Variants in FMO4 observed in about 807,000 individuals in gnomAD.
The protein encoded by FMO4 is flavin containing dimethylaniline monoxygenase 4, also known as dimethylaniline monooxygenase [N-oxide-forming] 4.
FMO4 carries 38 observed loss-of-function variants against 43.3 expected under a neutral mutation model. The ratio of observed to expected loss-of-function variants is 0.88; its 90% CI spans 0.68 to 1.15. The LOEUF (loss-of-function observed/expected upper bound fraction) is 1.15, where lower values mean the gene tolerates loss of function less well. FMO4 is among the 50% of genes most tolerant of loss of function. The pLI is 0.00. For synonymous variants in FMO4, 224 were observed against 232.2 expected (o/e 0.96, Z 0.32); for missense variants, 631 against 663.3 (o/e 0.95, Z 0.54).
chr1:171,332,622 G>C (rs937567480), intron 6 of FMO4, 87 bp from the exon 7 acceptor site: 3 of 1,102,496 alleles, frequency 2.7e-6, no homozygotes, highest in Non-Finnish European at 4.1e-6. Flanking sequence ...GACCAGACTG[G>C]AATAAGATCA....
chr1:171,319,766 T>G (rs1024367831), intron 2 of FMO4, 52 bp from the exon 3 acceptor site: 2 of 1,559,508 alleles, frequency 1.3e-6, no homozygotes, highest in African/African-American at 2.7e-5. Flanking sequence ...TGACAAGGGC[T>G]CCCTTCCAAA....
chr1:171,325,816 C>CTTTTT (rs1558037717), intron 5 of FMO4, among the ~76,000 whole-genome samples: 9 of 75,594 alleles, frequency 1.2e-4, no homozygotes, highest in African/African-American at 3.9e-4. Context: ...CATAGACTAT[C>CTTTTT]CTTTTTTTTT....
Position 171,339,866 on chromosome 1 carries a change from A to G in FMO4, c.1251-1547A>G, listed in dbSNP as rs1020666754. Among the ~76,000 whole-genome samples the G allele has an allele frequency of 3.6e-4, 55 of 152,172 alleles. 1 individual carries two copies. Among genetic ancestry groups the G allele is most frequent in the Non-Finnish European group, 5.9e-5 (4 of 68,028 alleles). On this transcript the variant is annotated intron_variant, in intron 9 of 9. Transcript: ENST00000367749. ...GCTAGGATCACTGTGCCTTGGTGCA[A>G]GAAGTGGGGTGTCCCAATTGAGAAG... is the stretch of plus-strand genomic sequence containing the variant.
In FMO4 at chr1:171,333,597, G is replaced by A. The variant is rs150089234; in HGVS notation, c.827+689G>A. Among the ~76,000 whole-genome samples the A allele has an allele frequency of 8.1e-4, 123 of 152,206 alleles. No individual in the cohort carries two copies. In the East Asian group the frequency reaches 0.02, roughly 25 times the overall value. ...GTAAAAGAAAGCCTTTGAAAAGCAC[G>A]TAAGGTCATTAAATATGATTTTTAT... is the stretch of plus-strand genomic sequence containing the variant. On this transcript the variant is annotated intron_variant, in intron 7 of 9. Transcript: ENST00000367749.
Position 171,322,992 on chromosome 1 carries a change from C to A in FMO4, c.133-12C>A, listed in dbSNP as rs780869664. 1 of 1,605,566 alleles carries A rather than the reference C, an allele frequency of 6.2e-7. No homozygotes were observed. ...CCATTATCCCAACAAGCTAACTATG[C>A]CTTCACCACAGGAATCTTCCAAAGA... On this transcript the variant is annotated splice_polypyrimidine_tract_variant and intron_variant, in intron 3 of 9. Coordinates refer to ENST00000367749, the MANE Select transcript of FMO4 (RefSeq NM_002022.3).
rs1195454309 is a variant in FMO4 at position 171,341,495 on chromosome 1, C to G, written c.1333C>G (p.Pro445Ala). Reference protein sequence around the residue: ...DDIAACIGTKPSIPLLFLKDP... With the variant: ...DDIAACIGTKASIPLLFLKDP... Reference sequence around the variant, plus strand: ...TATCGCTGCCTGCATAGGCACAAAGCCCAGCATCCCACTTCTGTTCCTCAA... The same window carrying G: ...TATCGCTGCCTGCATAGGCACAAAGGCCAGCATCCCACTTCTGTTCCTCAA... Residue 445 changes from proline to alanine, a missense_variant, in exon 10 of 10, where the codon CCC becomes GCC. Transcript: ENST00000367749. 1.2e-6 allele frequency: 2 copies of G among 1,613,934 alleles called. No individual in the cohort carries two copies. The highest frequency in any genetic ancestry group is 2.2e-5 in the South Asian group (2 of 91,076).
In FMO4 at chr1:171,341,414, GGA is replaced by G. The variant is rs746956892; in HGVS notation, c.1254_1255del (p.Phe420Ter). 3 of 1,611,178 alleles carry G rather than the reference GGA, an allele frequency of 1.9e-6. No individual in the cohort carries two copies. The African/African-American group carries it at 4.0e-5, about 22-fold the overall frequency. On this transcript the variant is annotated frameshift_variant and splice_region_variant, in exon 10 of 10. Transcript: ENST00000367749. LOFTEE classifies it low-confidence loss of function (END_TRUNC). The part of the protein sequence containing the change: ...ATEKEQLIKR[G>X]VFKDTSKDKF... ...GTCCTCCCTCTTTTTTCCTCTCAGGGGAGTGTTTAAAGACACCAGCAAAGACA... is the reference window on the plus strand; with the variant it reads ...GTCCTCCCTCTTTTTTCCTCTCAGGGGTGTTTAAAGACACCAGCAAAGACA...
At chr1:171,338,736 TCA>T (rs1368499296) in intron 9 of FMO4, among the ~76,000 whole-genome samples, 4 of 152,204 alleles carry the variant, frequency 2.6e-5, no homozygotes, top group African/African-American at 9.6e-5. Context: ...TTTCTATTTC[TCA>T]GAGTGCCCAT....
At chr1:171,321,333 T>C (rs1277921482) in intron 3 of FMO4, among the ~76,000 whole-genome samples, 1 of 152,218 alleles carries the variant, frequency 6.6e-6, no homozygotes, top group Admixed American at 6.5e-5. Context: ...CAGTTGTCTC[T>C]TGGTGTCCGT....
intron 1 of FMO4, among the ~76,000 whole-genome samples, chr1:171,315,131 A>C (rs1462174220): frequency 6.6e-6 from 1 of 152,152 alleles, no homozygotes; most frequent in Non-Finnish European, 1.5e-5. Flanking sequence ...GTCTCTACTA[A>C]AAATACAAAA....
chr1:171,321,347 G>T, intron 3 of FMO4, among the ~76,000 whole-genome samples: 1 of 151,944 alleles, frequency 6.6e-6, no homozygotes, highest in East Asian at 1.9e-4. Context: ...TGTCCGTGGG[G>T]GTTTAGGTAT....
At position 171,324,278 on chromosome 1, in the gene FMO4, T is replaced by G. The variant is rs774861543; in HGVS notation, c.462T>G (p.His154Gln). Residue 154 changes from histidine (H) to glutamine (Q), a missense_variant, in exon 5 of 10, where the codon CAT (histidine) becomes CAG (glutamine). Physicochemically the swap from His to Gln is conservative, Grantham distance 24 (BLOSUM62 0). Coordinates refer to ENST00000367749, the MANE Select transcript of FMO4 (RefSeq NM_002022.3). The stretch of plus-strand genomic sequence containing the variant: ...GCACTGGACATTTCCTGAATCCCCA[T>G]TTACCTTTGGAAGCCTTTCCTGGTG... ...MVCTGHFLNP[H>Q]LPLEAFPGIH... 1 of 1,610,424 alleles carries G rather than the reference T, an allele frequency of 6.2e-7. No individual in the cohort carries two copies. The highest frequency in any genetic ancestry group is 8.5e-7 in the Non-Finnish European group (1 of 1,178,360).
intron 8 of FMO4, among the ~76,000 whole-genome samples, chr1:171,335,703 C>T (rs945476008): frequency 3.6e-4 from 54 of 151,886 alleles, no homozygotes; most frequent in Non-Finnish European, 2.5e-4. Context: ...TAAAACCGTA[C>T]GTTCTCCTAA....
chr1:171,341,322 C>A, intron 9 of FMO4, 91 bp from the exon 10 acceptor site: 2 of 913,998 alleles, frequency 2.2e-6, no homozygotes, highest in Non-Finnish European at 3.3e-6. Flanking sequence ...AAAAATGTAA[C>A]AAAATGGTGG....
At chr1:171,340,403 TCCC>T (rs1016400209) in intron 9 of FMO4, among the ~76,000 whole-genome samples, 4 of 151,984 alleles carry the variant, frequency 2.6e-5, no homozygotes, top group Non-Finnish European at 5.9e-5. Flanking sequence ...CCCTCCCCTC[TCCC>T]CCATTTCAGG....
At chr1:171,327,835 G>A (rs1373110414) in intron 5 of FMO4, among the ~76,000 whole-genome samples, 1 of 152,132 alleles carries the variant, frequency 6.6e-6, no homozygotes. Flanking sequence ...AGGATCACTT[G>A]AGCCTGGGAG....
rs1187331968 is a variant in FMO4, at chr1:171,324,273, C to T, written c.457C>T (p.Pro153Ser). Reference sequence around the variant, plus strand: ...GGTTTGCACTGGACATTTCCTGAATCCCCATTTACCTTTGGAAGCCTTTCC... The same window carrying T: ...GGTTTGCACTGGACATTTCCTGAATTCCCATTTACCTTTGGAAGCCTTTCC... ...VMVCTGHFLN[P>S]HLPLEAFPGI... Residue 153 changes from proline to serine, a missense_variant, in exon 5 of 10, where the codon CCC becomes TCC. Pro to Ser is a moderately conservative substitution (Grantham distance 74). Coordinates refer to ENST00000367749, the MANE Select transcript of FMO4 (RefSeq NM_002022.3). 3 of 1,610,366 alleles carry T rather than the reference C, an allele frequency of 1.9e-6. No individual in the cohort carries two copies. Among genetic ancestry groups the T allele is most frequent in the South Asian group, 1.1e-5 (1 of 90,424 alleles).
chr1:171,328,062 C>CA (rs1443315718), intron 5 of FMO4, among the ~76,000 whole-genome samples: 1 of 151,412 alleles, frequency 6.6e-6, no homozygotes, highest in Non-Finnish European at 1.5e-5. Flanking sequence ...TATTTTGAGA[C>CA]AGAGTTTTGC....
chr1:171,329,103 G>A (rs377569576), intron 5 of FMO4, among the ~76,000 whole-genome samples: 12 of 152,022 alleles, frequency 7.9e-5, no homozygotes, highest in African/African-American at 2.4e-4. Context: ...CTCTCCCTCC[G>A]AACCCTAAAC....
Sources: allele counts gnomAD v4.1 joint callset (sites outside exome capture counted in the v4.1 genomes callset), GRCh38; gene constraint gnomAD v4.1.1; transcripts MANE v1.5; gene names NCBI Gene and HGNC (gene_info 2026-07-23, HGNC 2026-07-21).